CSF1R: variants seen among roughly 807,000 people sequenced by gnomAD.
CSF1R encodes macrophage colony-stimulating factor 1 receptor.
In CSF1R, 40 loss-of-function variants were observed where a neutral mutation model predicts 110.0. The observed-to-expected ratio is 0.36, with a 90% CI of 0.28 to 0.47. The LOEUF (loss-of-function observed/expected upper bound fraction) is 0.47, where lower values mean the gene tolerates loss of function less well. Ranked by LOEUF, CSF1R falls within the 20% of genes least tolerant of loss-of-function variation. The pLI is 0.99. For synonymous variants in CSF1R, 523 were observed against 503.4 expected, an observed-to-expected ratio of 1.04 and a Z score of -0.52; for missense variants, 1,052 against 1,253.0, an observed-to-expected ratio of 0.84 and a Z score of 2.42.
chr5:150,080,560 C>T (rs1268020301), intron 2 of CSF1R, among the ~76,000 whole-genome samples: 1 of 152,238 alleles, frequency 6.6e-6, no homozygotes, highest in Non-Finnish European at 1.5e-5. Context: ...TGGATAACCT[C>T]CCTGCACTTC....
chr5:150,070,646 A>G, intron 6 of CSF1R, 75 bp from the exon 7 acceptor site: 1 of 1,068,730 alleles, frequency 9.4e-7, no homozygotes, highest in Non-Finnish European at 1.3e-6. Flanking sequence ...GTCAGATAAC[A>G]GCCTTAAAGG....
At chr5:150,106,877 G>C (rs568695889) in intron 1 of CSF1R, among the ~76,000 whole-genome samples, 73 of 152,212 alleles carry the variant, frequency 4.8e-4, no homozygotes, top group Non-Finnish European at 4.3e-4. Flanking sequence ...ATAGTCTCTC[G>C]TGGCTCCCTG....
chr5:150,090,419 C>T (rs901584553), upstream of CSF1R, among the ~76,000 whole-genome samples: 1 of 152,174 alleles, frequency 6.6e-6, no homozygotes, highest in African/African-American at 2.4e-5. Context: ...GAAAATGTTT[C>T]TCATGCTGCT....
rs779567127 is a variant in CSF1R at position 150,055,191 on chromosome 5, G to A, written c.2654+46C>T. 27 of 1,558,512 alleles carry A rather than the reference G, an allele frequency of 1.7e-5. No homozygotes were observed. The East Asian group carries it at 2.2e-4, about 13-fold the overall frequency. ...ACACGGCCTTCCATCCCTTTCCAGC[G>A]AAAGCCTGGGGTGTCCTTTTCCCTC... On this transcript the variant is annotated intron_variant, in intron 19 of 20. Coordinates refer to ENST00000675795, the MANE Select transcript of CSF1R (RefSeq NM_001288705.3).
intron 6 of CSF1R, among the ~76,000 whole-genome samples, chr5:150,071,412 A>G (rs1758025941): frequency 6.6e-6 from 1 of 152,242 alleles, no homozygotes; most frequent in Non-Finnish European, 1.5e-5. Context: ...AAATTATAGC[A>G]AATGGCCAGT....
intron 17 of CSF1R, 37 bp from the exon 18 acceptor site, chr5:150,056,174 T>C: frequency 6.2e-7 from 1 of 1,614,030 alleles, no homozygotes; most frequent in East Asian, 2.2e-5. Flanking sequence ...GGGCCCCGAC[T>C]CTTCACCCCC....
chr5:150,057,011 T>A (rs1311094484), intron 16 of CSF1R, among the ~76,000 whole-genome samples: 1 of 152,056 alleles, frequency 6.6e-6, no homozygotes, highest in Non-Finnish European at 1.5e-5. Flanking sequence ...ACAACTGTTG[T>A]CTCTCATACA....
chr5:150,067,115 T>TGGGC (rs1290760101), intron 10 of CSF1R: 1 of 152,016 alleles, frequency 6.6e-6, no homozygotes, highest in Admixed American at 6.6e-5. Flanking sequence ...GGTCTTTGTG[T>TGGGC]GGGCAGGCAG....
At position 150,057,227 on chromosome 5, in the gene CSF1R, T is replaced by C. The variant is rs41287096; in HGVS notation, c.2319+60A>G. 2,350 of 1,482,152 alleles carry C rather than the reference T, an allele frequency of 1.6e-3. 13 individuals carry two copies. The highest frequency in any genetic ancestry group is 8.2e-4 in the Non-Finnish European group (876 of 1,068,154). The allele number at this position is 1,482,152 out of a possible 1,614,324, so 91.8% of individuals were successfully genotyped here. A position where few individuals can be genotyped will look rare whatever the true frequency, so the allele number is the denominator to read the frequency against. ...GTTTCCTCCTCCCCATCGTCACTCA[T>C]CCAGCCTCCCCGGAGCACAGACCTG... On this transcript the variant is annotated intron_variant, in intron 16 of 20. Coordinates refer to ENST00000675795, the MANE Select transcript of CSF1R (RefSeq NM_001288705.3).
Position 150,080,184 on chromosome 5 carries a change from A to G in CSF1R, c.460T>C (p.Tyr154His). Residue 154 changes from tyrosine to histidine, a missense_variant, in exon 3 of 21, where the codon TAC becomes CAC. Tyr to His is a moderately conservative substitution (Grantham distance 83). This residue lies in a region of CSF1R where 693 missense variants were observed against 735.4 expected (regional missense o/e 0.94). Coordinates refer to ENST00000675795, the MANE Select transcript of CSF1R (RefSeq NM_001288705.3). ...RGRPLMRHTN[Y>H]SFSPWHGFTI... ...AAGCCATGCCAGGGCGAGAAGGAGT[A>G]GTTGGTGTGGCGCATGAGGGGCCGG... is the stretch of plus-strand genomic sequence containing the variant. 1 of 1,613,874 alleles carries G rather than the reference A, an allele frequency of 6.2e-7. No individual in the cohort carries two copies. The highest frequency in any genetic ancestry group is 8.5e-7 in the Non-Finnish European group (1 of 1,180,042).
At chr5:150,082,973 A>C (rs1231974217) in intron 1 of CSF1R, among the ~76,000 whole-genome samples, 1 of 151,902 alleles carries the variant, frequency 6.6e-6, no homozygotes, top group African/African-American at 2.4e-5. Context: ...CCCTTCCCCC[A>C]GCCTGTCTCT....
At chr5:150,094,235 G>T in intron 1 of CSF1R, 2 of 922,054 alleles carry the variant, frequency 2.2e-6, no homozygotes, top group Non-Finnish European at 3.3e-6. Context: ...TTTACAAGAA[G>T]ACATAACAAT....
intron 1 of CSF1R, among the ~76,000 whole-genome samples, chr5:150,083,813 A>G (rs924596726): frequency 3.3e-5 from 5 of 152,174 alleles, no homozygotes; most frequent in South Asian, 2.1e-4. Flanking sequence ...CACTTTCCCT[A>G]TGTAAAGAGC....
At chr5:150,096,391 AAAAGAAAG>A (rs532343316) in intron 1 of CSF1R, among the ~76,000 whole-genome samples, 4 of 152,198 alleles carry the variant, frequency 2.6e-5, no homozygotes, top group Non-Finnish European at 5.9e-5. Flanking sequence ...ACTCCATCTC[AAAAGAAAG>A]AAAGAAAGAA....
At chr5:150,063,553 C>T (rs951790795) in intron 10 of CSF1R, among the ~76,000 whole-genome samples, 6 of 151,806 alleles carry the variant, frequency 4.0e-5, no homozygotes, top group African/African-American at 1.5e-4. Flanking sequence ...ACGCTGCCCA[C>T]TAGATAGATT....
Position 150,081,919 on chromosome 5 carries a change from G to C in CSF1R, c.50-895C>G, listed in dbSNP as rs182185394. Among the ~76,000 whole-genome samples the C allele has an allele frequency of 1.2e-3, 179 of 152,362 alleles. 1 individual carries two copies. The highest frequency in any genetic ancestry group is 2.0e-3 in the Non-Finnish European group (138 of 68,038). On this transcript the variant is annotated intron_variant, in intron 1 of 20. Transcript: ENST00000675795. ...CATTTTTCCAGGGCCTAAAATAGGG[G>C]CAAAGGAGGGAAGTGAGAGCTGATT...
intron 1 of CSF1R, among the ~76,000 whole-genome samples, chr5:150,097,220 C>G (rs1759251230): frequency 6.6e-6 from 1 of 150,796 alleles, no homozygotes; most frequent in African/African-American, 2.4e-5. Flanking sequence ...CCACTGCACT[C>G]TAGCCTGGGT....
In CSF1R at chr5:150,070,165, G is replaced by C; in HGVS notation, c.1319+17C>G. 6.2e-7 allele frequency: 1 copy of C among 1,612,756 alleles called. No individual in the cohort carries two copies. Among genetic ancestry groups the C allele is most frequent in the Non-Finnish European group, 8.5e-7 (1 of 1,179,182 alleles). On this transcript the variant is annotated intron_variant, in intron 8 of 20. Coordinates refer to ENST00000675795, the MANE Select transcript of CSF1R (RefSeq NM_001288705.3). ...GCCCCTGAGCCCAGGTGAGGGAGGTGAGTGGAGCCCACTTACCTATCAGTG... is the reference window on the plus strand; with the variant it reads ...GCCCCTGAGCCCAGGTGAGGGAGGTCAGTGGAGCCCACTTACCTATCAGTG...
rs978959263 is a variant in CSF1R at position 150,053,365 on chromosome 5, C to T, written c.*704G>A. On this transcript the variant is annotated 3_prime_UTR_variant, in exon 21 of 21. Coordinates refer to ENST00000675795, the MANE Select transcript of CSF1R (RefSeq NM_001288705.3). ...GTGACTGTTAGTTAGGATGAGTCAG[C>T]TTGGGGGAGTTTGTGCTTCCTGCTT... 4 of 233,898 alleles carry T rather than the reference C, an allele frequency of 1.7e-5. No homozygotes were observed. The highest frequency in any genetic ancestry group is 3.4e-5 in the Non-Finnish European group (4 of 118,300). The allele number at this position is 233,898 out of a possible 1,614,324, so 14.5% of individuals were successfully genotyped here.
Sources: gnomAD v4.1 joint callset for allele counts (sites outside exome capture counted in the v4.1 genomes callset) on GRCh38, gnomAD v4.1.1 for gene constraint, gnomAD v4.1.1 regional missense constraint, MANE v1.5 for transcripts, NCBI Gene and HGNC (gene_info 2026-07-23, HGNC 2026-07-21) for gene names.